Variants in SVEP1 observed in about 807,000 individuals in gnomAD.
SVEP1 encodes sushi, von Willebrand factor type A, EGF and pentraxin domain-containing protein 1.
Under a neutral mutation model 367.3 loss-of-function variants are expected in SVEP1, and 164 were observed. That is an observed-to-expected ratio of 0.45 (90% confidence interval 0.39 to 0.51). SVEP1 has a LOEUF of 0.51. SVEP1 is among the 20% of genes least tolerant of loss of function. The pLI, the probability that SVEP1 is intolerant of heterozygous loss-of-function variation, is 0.00. For missense variants in SVEP1, 4,117 were observed against 4,425.3 expected (o/e 0.93, Z 1.98); for synonymous variants, 1,666 against 1,611.6 (o/e 1.03, Z -0.81).
chr9:110,467,890 C>A (rs1479983394), intron 17 of SVEP1, among the ~76,000 whole-genome samples: 2 of 152,138 alleles, frequency 1.3e-5, no homozygotes, highest in Non-Finnish European at 2.9e-5. Flanking sequence ...CCTGCCTCAG[C>A]CTCCCAAAGT....
intron 1 of SVEP1, among the ~76,000 whole-genome samples, chr9:110,561,082 G>A (rs1830420516): frequency 1.3e-5 from 2 of 151,786 alleles, no homozygotes; most frequent in African/African-American, 2.4e-5. Flanking sequence ...CCACACCCTT[G>A]CCTCCTGTCT....
rs187076044 is a variant in SVEP1 at position 110,519,347 on chromosome 9, C to A, written c.965-5241G>T. 7.2e-5 allele frequency among the ~76,000 whole-genome samples: 11 copies of A among 152,222 alleles called. No homozygotes were observed. The East Asian group carries it at 1.5e-3, about 21-fold the overall frequency. On this transcript the variant is annotated intron_variant, in intron 3 of 47. Coordinates refer to ENST00000374469, the MANE Select transcript of SVEP1 (RefSeq NM_153366.4). ...TTGTTGTGCCAGATAGATGCTCTGGCGCTTGGTAAATATTACCTTCCTTTC... is the reference window on the plus strand; with the variant it reads ...TTGTTGTGCCAGATAGATGCTCTGGAGCTTGGTAAATATTACCTTCCTTTC...
At chr9:110,578,153 T>C (rs1830646765) in intron 1 of SVEP1, among the ~76,000 whole-genome samples, 1 of 152,190 alleles carries the variant, frequency 6.6e-6, no homozygotes, top group South Asian at 2.1e-4. Context: ...CACGATAACT[T>C]AGTAAGGAAA....
chr9:110,398,268 T>C (rs1786756533), intron 40 of SVEP1, among the ~76,000 whole-genome samples: 1 of 152,138 alleles, frequency 6.6e-6, no homozygotes, highest in African/African-American at 2.4e-5. Flanking sequence ...ATAAGTGGTG[T>C]TGGGAAAACT....
chr9:110,552,124 C>A (rs1830295587), intron 1 of SVEP1, among the ~76,000 whole-genome samples: 1 of 150,836 alleles, frequency 6.6e-6, no homozygotes, highest in African/African-American at 2.4e-5. Flanking sequence ...CTCCGCCTCC[C>A]AGGTTCAAGC....
chr9:110,543,189 C>T (rs928442822), intron 3 of SVEP1, among the ~76,000 whole-genome samples: 3 of 152,184 alleles, frequency 2.0e-5, no homozygotes, highest in African/African-American at 4.8e-5. Flanking sequence ...TACAGCTACA[C>T]AAAGACAGAG....
intron 27 of SVEP1, 124 bp downstream of exon 27, chr9:110,443,421 T>G (rs1828543319): frequency 2.2e-6 from 2 of 894,428 alleles, no homozygotes; most frequent in Non-Finnish European, 3.1e-6. Flanking sequence ...GAGTAGGAAA[T>G]AAGAGAGATA....
chr9:110,541,479 C>T (rs1012040338), intron 3 of SVEP1, among the ~76,000 whole-genome samples: 3 of 152,100 alleles, frequency 2.0e-5, no homozygotes, highest in Non-Finnish European at 4.4e-5. Context: ...CTGGTGAATG[C>T]ACAGGATAAT....
intron 3 of SVEP1, among the ~76,000 whole-genome samples, chr9:110,531,687 T>C (rs1311270299): frequency 2.6e-5 from 4 of 152,186 alleles, no homozygotes; most frequent in East Asian, 1.9e-4. Flanking sequence ...AACAGACTAA[T>C]ACAGCCACCT....
rs779154067 is a variant in SVEP1, at chr9:110,473,096, T to C, written c.2600-773A>G. On this transcript the variant is annotated intron_variant, in intron 14 of 47. Coordinates refer to ENST00000374469, the MANE Select transcript of SVEP1 (RefSeq NM_153366.4). ...GTCAAACTCAGTATTTGACTTATTATAAAACTATATGAATATTATTCTGGC... is the reference window on the plus strand; with the variant it reads ...GTCAAACTCAGTATTTGACTTATTACAAAACTATATGAATATTATTCTGGC... Among the ~76,000 whole-genome samples, 4 of 151,806 alleles carry C rather than the reference T, an allele frequency of 2.6e-5. No individual in the cohort carries two copies. The Admixed American group carries it at 2.6e-4, about 10-fold the overall frequency.
intron 1 of SVEP1, among the ~76,000 whole-genome samples, chr9:110,553,841 G>C (rs530092143): frequency 6.6e-6 from 1 of 152,232 alleles, no homozygotes; most frequent in Admixed American, 6.5e-5. Context: ...CCAGTTGCTC[G>C]AGCAAAAACC....
intron 1 of SVEP1, among the ~76,000 whole-genome samples, chr9:110,575,921 A>G (rs933321379): frequency 3.5e-4 from 54 of 152,194 alleles, no homozygotes; most frequent in African/African-American, 1.3e-3. Context: ...AATGCAATTT[A>G]AAATGGGACT....
At chr9:110,466,229 A>G (rs1289888094) in intron 17 of SVEP1, among the ~76,000 whole-genome samples, 3 of 152,138 alleles carry the variant, frequency 2.0e-5, no homozygotes, top group African/African-American at 7.2e-5. Context: ...GACTGTTTCC[A>G]TTTACTTCCA....
chr9:110,456,335 C>T (rs371017977), intron 21 of SVEP1, among the ~76,000 whole-genome samples: 129 of 152,284 alleles, frequency 8.5e-4, no homozygotes, highest in Non-Finnish European at 9.8e-4. Context: ...CTGATGCACA[C>T]GACTGTTTGA....
intron 43 of SVEP1, among the ~76,000 whole-genome samples, chr9:110,385,513 T>G (rs998045685): frequency 6.6e-6 from 1 of 152,224 alleles, no homozygotes; most frequent in Non-Finnish European, 1.5e-5. Flanking sequence ...CTCTAGGTGG[T>G]TCTGATGCAG....
At position 110,379,509 on chromosome 9, in the gene SVEP1, A is replaced by G. The variant is rs1343725402; in HGVS notation, c.10246T>C (p.Cys3416Arg). 6.2e-7 allele frequency: 1 copy of G among 1,613,618 alleles called. No homozygotes were observed. Among genetic ancestry groups the G allele is most frequent in the Non-Finnish European group, 8.5e-7 (1 of 1,179,698 alleles). The part of the protein sequence containing the change: ...QTSAKCEKIS[C>R]GPPAHVENAI... ...TTTTCTACGTGAGCTGGTGGACCAC[A>G]TGAGATTTCTACAGGATAACAAAAC... Residue 3416 changes from cysteine to arginine, a missense_variant, in exon 44 of 48, where the codon TGT (cysteine) becomes CGT (arginine). By Grantham distance (180) the Cys-to-Arg change is radical. Transcript: ENST00000374469.
intron 1 of SVEP1, among the ~76,000 whole-genome samples, chr9:110,564,300 A>G (rs577799812): frequency 6.6e-6 from 1 of 152,344 alleles, no homozygotes; most frequent in African/African-American, 2.4e-5. Context: ...TTATGATTCA[A>G]AGCTGTTAGA....
rs897635433 is a variant in SVEP1, at chr9:110,400,881, A to G, written c.9795T>C (p.Tyr3265=). ...SKYTFESTII[Y]QCEPGYELEG... ...CTAGTTCATAGCCAGGCTCACACTG[A>G]TAAATAATTGTGCTTTCAAAGGTGT... The change falls in exon 40 of 48, where the codon TAT becomes TAC. Residue 3265 remains tyrosine (Y), a synonymous_variant. Coordinates refer to ENST00000374469, the MANE Select transcript of SVEP1 (RefSeq NM_153366.4). 6.2e-7 allele frequency: 1 copy of G among 1,613,784 alleles called. No homozygotes were observed. The highest frequency in any genetic ancestry group is 1.3e-5 in the African/African-American group (1 of 75,040).
At chr9:110,457,123 C>A (rs560662117) in intron 21 of SVEP1, 133 bp downstream of exon 21, 2 of 622,000 alleles carry the variant, frequency 3.2e-6, no homozygotes, top group East Asian at 3.3e-5. Flanking sequence ...TTATCTTGTT[C>A]AACAAATTTT....
Sources: allele counts gnomAD v4.1 joint callset (sites outside exome capture counted in the v4.1 genomes callset), GRCh38; gene constraint gnomAD v4.1.1; transcripts MANE v1.5; gene names NCBI Gene and HGNC (gene_info 2026-07-23, HGNC 2026-07-21).